CTNNA2: variants seen among roughly 807,000 people sequenced by gnomAD.
CTNNA2 encodes catenin alpha 2.
CTNNA2 carries 42 observed loss-of-function variants against 101.0 expected under a neutral mutation model. That is an observed-to-expected ratio of 0.42 (90% CI 0.32 to 0.54). CTNNA2 has a LOEUF of 0.54. CTNNA2 is among the 20% of genes least tolerant of loss of function. The pLI is 0.14. For synonymous variants in CTNNA2, 450 were observed against 456.4 expected (o/e 0.99, Z 0.18); for missense variants, 871 against 1,223.1 (o/e 0.71, Z 4.29).
chr2:80,417,160 C>CAT (rs983310767), intron 8 of CTNNA2, among the ~76,000 whole-genome samples: 1 of 151,434 alleles, frequency 6.6e-6, no homozygotes, highest in Non-Finnish European at 1.5e-5. Context: ...TTTTCATTAA[C>CAT]ATATATATGT....
intron 7 of CTNNA2, among the ~76,000 whole-genome samples, chr2:79,996,230 C>G (rs184067112): frequency 4.5e-4 from 69 of 152,290 alleles, no homozygotes; most frequent in Non-Finnish European, 8.7e-4. Context: ...CACATAAAAT[C>G]ATTTTTGCAA....
At chr2:79,631,256 C>CTTGGGTG (rs1282037355) in intron 1 of CTNNA2, among the ~76,000 whole-genome samples, 1 of 152,152 alleles carries the variant, frequency 6.6e-6, no homozygotes, top group East Asian at 1.9e-4. Flanking sequence ...TAGTTGTCTA[C>CTTGGGTG]TTGGGTGTGT....
chr2:79,396,911 T>C (rs1055696911), intron 4 of CTNNA2, among the ~76,000 whole-genome samples: 1 of 152,108 alleles, frequency 6.6e-6, no homozygotes, highest in Non-Finnish European at 1.5e-5. Context: ...GGGATGTAAT[T>C]TGTTATAGCA....
chr2:80,562,308 T>C (rs1693678765), intron 12 of CTNNA2, among the ~76,000 whole-genome samples: 1 of 152,062 alleles, frequency 6.6e-6, no homozygotes, highest in Non-Finnish European at 1.5e-5. Context: ...CCTCAGAAAA[T>C]ACGACCATAA....
chr2:79,374,244 A>G (rs1360316917), intron 4 of CTNNA2, among the ~76,000 whole-genome samples: 2 of 152,200 alleles, frequency 1.3e-5, no homozygotes, highest in Non-Finnish European at 2.9e-5. Flanking sequence ...ATAACAATGC[A>G]TACCTTCCCC....
At chr2:80,333,193 T>G (rs1671488420) in intron 7 of CTNNA2, among the ~76,000 whole-genome samples, 1 of 152,146 alleles carries the variant, frequency 6.6e-6, no homozygotes, top group African/African-American at 2.4e-5. Context: ...TAACTAGGAA[T>G]TAGTTACTAA....
intron 3 of CTNNA2, among the ~76,000 whole-genome samples, chr2:79,808,800 T>TTA (rs993771189): frequency 6.6e-6 from 1 of 152,076 alleles, no homozygotes; most frequent in South Asian, 2.1e-4. Context: ...ATCTTTTTTT[T>TTA]TTATTATACT....
chr2:79,864,484 A>G (rs1681874203), intron 4 of CTNNA2, among the ~76,000 whole-genome samples: 2 of 149,954 alleles, frequency 1.3e-5, no homozygotes, highest in Non-Finnish European at 2.9e-5. Context: ...ACTGAGTAGT[A>G]CTAATAATTT....
intron 7 of CTNNA2, among the ~76,000 whole-genome samples, chr2:80,373,103 G>C (rs951891276): frequency 6.6e-6 from 1 of 152,128 alleles, no homozygotes; most frequent in Non-Finnish European, 1.5e-5. Flanking sequence ...CATTCTAGGA[G>C]TCTCAGTGTT....
chr2:79,758,506 T>C (rs946845738), intron 3 of CTNNA2, among the ~76,000 whole-genome samples: 1 of 152,188 alleles, frequency 6.6e-6, no homozygotes, highest in Non-Finnish European at 1.5e-5. Context: ...GGTTATATTG[T>C]GTGGTGCTGA....
chr2:80,124,610 C>T (rs1314762174), intron 7 of CTNNA2, among the ~76,000 whole-genome samples: 1 of 152,076 alleles, frequency 6.6e-6, no homozygotes, highest in Non-Finnish European at 1.5e-5. Context: ...TGTGTGAAGA[C>T]ATTGGTATTT....
intron 1 of CTNNA2, among the ~76,000 whole-genome samples, chr2:79,632,405 C>T (rs1181997721): frequency 6.6e-6 from 1 of 152,070 alleles, no homozygotes; most frequent in East Asian, 1.9e-4. Flanking sequence ...GAAAAAAAAT[C>T]CTCTAAAGTA....
At chr2:79,856,530 A>C (rs1307424942) in intron 3 of CTNNA2, among the ~76,000 whole-genome samples, 1 of 152,134 alleles carries the variant, frequency 6.6e-6, no homozygotes, top group Non-Finnish European at 1.5e-5. Context: ...TGTACTCTTC[A>C]AGTTTATTGA....
intron 7 of CTNNA2, among the ~76,000 whole-genome samples, chr2:80,079,887 A>AAATAAAATAAAATAAAATAAAAT (rs1558788215): frequency 3.7e-5 from 5 of 136,946 alleles, no homozygotes; most frequent in African/African-American, 1.3e-4. Flanking sequence ...TAAAATAATA[A>AAATAAAATAAAATAAAATAAAAT]AATAAAATAA....
At chr2:79,566,784 C>T (rs534619834) in intron 1 of CTNNA2, among the ~76,000 whole-genome samples, 6 of 152,018 alleles carry the variant, frequency 3.9e-5, no homozygotes, top group South Asian at 2.1e-4. Flanking sequence ...TATATGTGCC[C>T]GGTGTGATAA....
intron 7 of CTNNA2, among the ~76,000 whole-genome samples, chr2:80,024,469 A>G (rs906663440): frequency 6.6e-5 from 10 of 152,230 alleles, no homozygotes; most frequent in African/African-American, 2.2e-4. Flanking sequence ...GAGCAAAGGC[A>G]TGAAGGTGAG....
chr2:80,141,971 C>A (rs1703040794), intron 7 of CTNNA2, among the ~76,000 whole-genome samples: 1 of 151,686 alleles, frequency 6.6e-6, no homozygotes, highest in Admixed American at 6.6e-5. Context: ...GGCACATAGA[C>A]CTCAGATAAA....
At chr2:79,667,085 G>T (rs565712578) in intron 2 of CTNNA2, among the ~76,000 whole-genome samples, 6 of 152,070 alleles carry the variant, frequency 3.9e-5, no homozygotes, top group Non-Finnish European at 5.9e-5. Context: ...CCTAAAGCTG[G>T]GTTCTTCAAA....
At chr2:80,531,361 T>C (rs760977371) in intron 9 of CTNNA2, among the ~76,000 whole-genome samples, 1 of 152,194 alleles carries the variant, frequency 6.6e-6, no homozygotes. Flanking sequence ...CCATACAGAC[T>C]GCTAAAGCCA....
Sources: gnomAD v4.1 joint callset for allele counts (sites outside exome capture counted in the v4.1 genomes callset) on GRCh38, gnomAD v4.1.1 for gene constraint, MANE v1.5 for transcripts, NCBI Gene and HGNC (gene_info 2026-07-23, HGNC 2026-07-21) for gene names.